SOD3: variants seen among roughly 807,000 people sequenced by gnomAD.
SOD3 encodes the protein extracellular superoxide dismutase [Cu-Zn].
In SOD3, 3 loss-of-function variants were observed where a neutral mutation model predicts 2.6. The observed-to-expected ratio is 1.13, with a 90% CI of 0.52 to 2.93. SOD3 has a LOEUF of 2.93. SOD3 is among the 30% of genes most tolerant of loss of function. SOD3 has a pLI of 0.04. For synonymous variants in SOD3, 188 were observed against 177.5 expected (o/e 1.06, Z -0.47); for missense variants, 379 against 370.4 (o/e 1.02, Z -0.19).
intron 1 of SOD3, among the ~76,000 whole-genome samples, chr4:24,796,086 C>T (rs2109069118): frequency 6.6e-6 from 1 of 152,290 alleles, no homozygotes; most frequent in South Asian, 2.1e-4. Context: ...GGATGAAACA[C>T]ACCCAAGGCT....
chr4:24,796,754 C>T (rs898090372), intron 1 of SOD3, among the ~76,000 whole-genome samples: 6 of 151,892 alleles, frequency 4.0e-5, no homozygotes, highest in Admixed American at 3.9e-4. Flanking sequence ...ATGCCTGGCT[C>T]TTCTTTTGGT....
chr4:24,799,811 T>G lies in SOD3; in HGVS notation c.290T>G (p.Phe97Cys), dbSNP rs1560189979. Residue 97 changes from phenylalanine to cysteine, a missense_variant, in exon 2 of 2, where the codon TTC (phenylalanine) becomes TGC (cysteine). Transcript: ENST00000382120. ...LAPRAKLDAF[F>C]ALEGFPTEPN... ...CCCCGCGCCAAGCTCGACGCCTTCT[T>G]CGCCCTGGAGGGCTTCCCGACCGAG... 3 of 1,597,130 alleles carry G rather than the reference T, an allele frequency of 1.9e-6. No homozygotes were observed. The highest frequency in any genetic ancestry group is 1.1e-5 in the South Asian group (1 of 90,156).
rs940204795 is a variant in SOD3, at chr4:24,799,751, G to A, written c.230G>A (p.Arg77Gln). The change falls in exon 2 of 2, where the codon CGG becomes CAG. Residue 77 changes from arginine (R) to glutamine (Q), a missense_variant. Coordinates refer to ENST00000382120, the MANE Select transcript of SOD3 (RefSeq NM_003102.4). ...PSATLDAAQP[R>Q]VTGVVLFRQL... is the part of the protein sequence containing the mutation. ...GCCACGCTGGACGCCGCGCAGCCCCGGGTGACCGGCGTCGTCCTCTTCCGG... is the reference window on the plus strand; with the variant it reads ...GCCACGCTGGACGCCGCGCAGCCCCAGGTGACCGGCGTCGTCCTCTTCCGG... 15 of 1,562,952 alleles carry A rather than the reference G, an allele frequency of 9.6e-6. No individual in the cohort carries two copies. The highest frequency in any genetic ancestry group is 1.2e-5 in the Non-Finnish European group (14 of 1,160,418).
Position 24,800,288 on chromosome 4 carries a change from C to G in SOD3, c.*44C>G, listed in dbSNP as rs920104729. 6 of 1,368,230 alleles carry G rather than the reference C, an allele frequency of 4.4e-6. No homozygotes were observed. The highest frequency in any genetic ancestry group is 4.1e-5 in the Admixed American group (1 of 24,540). 84.8% of individuals were successfully genotyped at this position (1,368,230 alleles called of 1,614,324 possible). A position where few individuals can be genotyped will look rare whatever the true frequency, so the allele number is the denominator to read the frequency against. On this transcript the variant is annotated 3_prime_UTR_variant, in exon 2 of 2. Coordinates refer to ENST00000382120, the MANE Select transcript of SOD3 (RefSeq NM_003102.4). ...GGCGGCCAGGGACCCCCGAGGCCCC[C>G]CTCTGCCTTTGAGCTTCTCCTCTGC...
chr4:24,800,338 GGTCTCACCTTCGCCTTTGCTGAA>G lies in SOD3; in HGVS notation c.*100_*122del, dbSNP rs1259345381. ...CTCCAACAGACACCCTCCACTCTGA[GGTCTCACCTTCGCCTTTGCTGAA>G]GTCTCCCCGCAGCCCTCTCCACCCA... On this transcript the variant is annotated 3_prime_UTR_variant, in exon 2 of 2. Transcript: ENST00000382120. 8.1e-7 allele frequency: 1 copy of G among 1,228,470 alleles called. No homozygotes were observed. Among genetic ancestry groups the G allele is most frequent in the African/African-American group, 1.6e-5 (1 of 62,738 alleles). 76.1% of individuals were successfully genotyped at this position (1,228,470 alleles called of 1,614,324 possible).
In SOD3 at chr4:24,800,739, C is replaced by G. The variant is rs1256155235; in HGVS notation, c.*495C>G. On this transcript the variant is annotated 3_prime_UTR_variant, in exon 2 of 2. Transcript: ENST00000382120. ...GCAACGGAAGCCAGGCCAACTGCCC[C>G]GCGTCTTCAGCTGTTTCGCATCCAC... is the stretch of plus-strand genomic sequence containing the variant. The G allele has an allele frequency of 6.2e-6, 1 of 161,830 alleles. No individual in the cohort carries two copies. The highest frequency in any genetic ancestry group is 1.4e-5 in the Non-Finnish European group (1 of 68,968). The allele number at this position is 161,830 out of a possible 1,614,324, so 10.0% of individuals were successfully genotyped here.
chr4:24,796,825 C>T (rs944231369), intron 1 of SOD3, among the ~76,000 whole-genome samples: 17 of 152,096 alleles, frequency 1.1e-4, no homozygotes, highest in Admixed American at 7.2e-4. Context: ...AAAGAAAGCT[C>T]ACTGACACAC....
Position 24,800,288 on chromosome 4 carries a change from C to A in SOD3, c.*44C>A. Reference sequence around the variant, plus strand: ...GGCGGCCAGGGACCCCCGAGGCCCCCCTCTGCCTTTGAGCTTCTCCTCTGC... The same window carrying A: ...GGCGGCCAGGGACCCCCGAGGCCCCACTCTGCCTTTGAGCTTCTCCTCTGC... On this transcript the variant is annotated 3_prime_UTR_variant, in exon 2 of 2. Transcript: ENST00000382120. The A allele has an allele frequency of 1.5e-6, 2 of 1,368,346 alleles. No homozygotes were observed. The highest frequency in any genetic ancestry group is 1.8e-5 in the South Asian group (1 of 55,370). The allele number at this position is 1,368,346 out of a possible 1,614,324, so 84.8% of individuals were successfully genotyped here. A position where few individuals can be genotyped will look rare whatever the true frequency, so the allele number is the denominator to read the frequency against.
In SOD3 at chr4:24,800,220, C is replaced by G. The variant is rs763121656; in HGVS notation, c.699C>G (p.Arg233=). ...ACTCAGAGCGCAAGAAGCGGCGGCG[C>G]GAGAGCGAGTGCAAGGCCGCCTGAG... is the stretch of plus-strand genomic sequence containing the variant. ...REHSERKKRR[R]ESECKAA Residue 233 remains arginine (R), a synonymous_variant, in exon 2 of 2, where the codon CGC becomes CGG. Transcript: ENST00000382120. 1.1e-5 allele frequency: 16 copies of G among 1,430,192 alleles called. No individual in the cohort carries two copies. The Admixed American group carries it at 4.8e-4, about 43-fold the overall frequency. The allele number at this position is 1,430,192 out of a possible 1,614,324, so 88.6% of individuals were successfully genotyped here.
chr4:24,797,618 T>C (rs1054146644), intron 1 of SOD3, among the ~76,000 whole-genome samples: 1 of 152,198 alleles, frequency 6.6e-6, no homozygotes, highest in African/African-American at 2.4e-5. Flanking sequence ...AGTCCAGCAA[T>C]TACTCTGCTA....
chr4:24,796,541 C>G (rs1713669054), intron 1 of SOD3, among the ~76,000 whole-genome samples: 1 of 147,050 alleles, frequency 6.8e-6, no homozygotes, highest in Non-Finnish European at 1.5e-5. Flanking sequence ...ACTACAGCCT[C>G]TACCTCCCGG....
At position 24,799,693 on chromosome 4, in the gene SOD3, G is replaced by A. The variant is rs2536512; in HGVS notation, c.172G>A (p.Ala58Thr). The A allele has an allele frequency of 0.61, 958,215 of 1,578,062 alleles. 302,909 individuals carry two copies. Among genetic ancestry groups the A allele is most frequent in the Non-Finnish European group, 0.66 (764,346 of 1,166,684 alleles). ...CATGCAGCGGCGGGACGACGACGGC[G>A]CGCTCCACGCCGCCTGCCAGGTGCA... ...EVMQRRDDDG[A>T]LHAACQVQPS... The change falls in exon 2 of 2, where the codon GCG (alanine) becomes ACG (threonine). Residue 58 changes from alanine to threonine, a missense_variant. Ala to Thr is a moderately conservative substitution (Grantham distance 58). Coordinates refer to ENST00000382120, the MANE Select transcript of SOD3 (RefSeq NM_003102.4).
rs1191735897 is a variant in SOD3, at chr4:24,795,603, G to A, written c.-65G>A. 1 of 152,338 alleles carries A rather than the reference G, an allele frequency of 6.6e-6. No individual in the cohort carries two copies. Among genetic ancestry groups the A allele is most frequent in the East Asian group, 1.9e-4 (1 of 5,168 alleles). The allele number at this position is 152,338 out of a possible 1,614,324, so 9.4% of individuals were successfully genotyped here. ...CAGCCTGCGTTCCTGGGCTGGCTGG[G>A]TGCAGCTCTCTTTTCAGGAGAGAAA... On this transcript the variant is annotated 5_prime_UTR_variant, in exon 1 of 2. The change creates a new upstream start codon in the 5' untranslated region. Coordinates refer to ENST00000382120, the MANE Select transcript of SOD3 (RefSeq NM_003102.4).
Position 24,800,145 on chromosome 4 carries a change from C to T in SOD3, c.624C>T (p.Cys208=). ...ACGCGGGCCGGCGGCTGGCCTGCTG[C>T]GTGGTGGGCGTGTGCGGGCCCGGGC... ...NGNAGRRLAC[C]VVGVCGPGLW... is the part of the protein sequence containing the mutation. Residue 208 remains cysteine, a synonymous_variant, in exon 2 of 2, where the codon TGC becomes TGT. Coordinates refer to ENST00000382120, the MANE Select transcript of SOD3 (RefSeq NM_003102.4). 2.9e-6 allele frequency: 4 copies of T among 1,386,088 alleles called. No individual in the cohort carries two copies. Among genetic ancestry groups the T allele is most frequent in the South Asian group, 3.3e-5 (2 of 60,278 alleles). 85.9% of individuals were successfully genotyped at this position (1,386,088 alleles called of 1,614,324 possible).
In SOD3 at chr4:24,800,374, C is replaced by T. The variant is rs1713856068; in HGVS notation, c.*130C>T. On this transcript the variant is annotated 3_prime_UTR_variant, in exon 2 of 2. Coordinates refer to ENST00000382120, the MANE Select transcript of SOD3 (RefSeq NM_003102.4). ...CGCCTTTGCTGAAGTCTCCCCGCAG[C>T]CCTCTCCACCCAGAGGTCTCCCTAT... 7 of 978,724 alleles carry T rather than the reference C, an allele frequency of 7.2e-6. No individual in the cohort carries two copies. The Admixed American group carries it at 2.6e-4, about 37-fold the overall frequency. The allele number at this position is 978,724 out of a possible 1,614,324, so 60.6% of individuals were successfully genotyped here.
Position 24,800,220 on chromosome 4 carries a change from C to T in SOD3, c.699C>T (p.Arg233=). 1 of 1,430,306 alleles carries T rather than the reference C, an allele frequency of 7.0e-7. No homozygotes were observed. Among genetic ancestry groups the T allele is most frequent in the Non-Finnish European group, 9.1e-7 (1 of 1,096,896 alleles). The allele number at this position is 1,430,306 out of a possible 1,614,324, so 88.6% of individuals were successfully genotyped here. ...ACTCAGAGCGCAAGAAGCGGCGGCG[C>T]GAGAGCGAGTGCAAGGCCGCCTGAG... The part of the protein sequence containing the change: ...REHSERKKRR[R]ESECKAA The change falls in exon 2 of 2, where the codon CGC becomes CGT. Residue 233 remains arginine, a synonymous_variant. Transcript: ENST00000382120.
At position 24,796,184 on chromosome 4, in the gene SOD3, C is replaced by A. The variant is rs1713654410; in HGVS notation, c.-17+533C>A. On this transcript the variant is annotated intron_variant, in intron 1 of 1. Coordinates refer to ENST00000382120, the MANE Select transcript of SOD3 (RefSeq NM_003102.4). ...TTTGGTTCAGGATAAGGGCCCCTGT[C>A]CTCTTTCTCTGATAACACTGTCCTC... Among the ~76,000 whole-genome samples the A allele has an allele frequency of 2.6e-5, 4 of 152,142 alleles. No homozygotes were observed. The South Asian group carries it at 8.3e-4, about 32-fold the overall frequency.
chr4:24,799,224 C>T (rs1713758673), intron 1 of SOD3, among the ~76,000 whole-genome samples: 1 of 152,166 alleles, frequency 6.6e-6, no homozygotes, highest in South Asian at 2.1e-4. Flanking sequence ...CCCCTCCACG[C>T]TATAGAGATG....
chr4:24,799,933 C>A lies in SOD3; in HGVS notation c.412C>A (p.Pro138Thr), dbSNP rs1350267367. ...TGPHYNPLAV[P>T]HPQHPGDFGN... is the part of the protein sequence containing the mutation. Reference sequence around the variant, plus strand: ...GCCCCACTACAACCCGCTGGCCGTGCCGCACCCGCAGCACCCGGGCGACTT... The same window carrying A: ...GCCCCACTACAACCCGCTGGCCGTGACGCACCCGCAGCACCCGGGCGACTT... The change falls in exon 2 of 2, where the codon CCG (proline) becomes ACG (threonine). Residue 138 changes from proline (P) to threonine (T), a missense_variant. Transcript: ENST00000382120. 1 of 1,595,888 alleles carries A rather than the reference C, an allele frequency of 6.3e-7. No individual in the cohort carries two copies. Among genetic ancestry groups the A allele is most frequent in the African/African-American group, 1.3e-5 (1 of 74,552 alleles).
Sources: gnomAD v4.1 joint callset for allele counts (sites outside exome capture counted in the v4.1 genomes callset) on GRCh38, gnomAD v4.1.1 for gene constraint, MANE v1.5 for transcripts, NCBI Gene and HGNC (gene_info 2026-07-23, HGNC 2026-07-21) for gene names.